Variants in EYS observed in about 807,000 individuals in gnomAD.
EYS encodes EGF-like photoreceptor maintenance factor, also known as protein eyes shut homolog.
In EYS, 250 loss-of-function variants were observed where a neutral mutation model predicts 282.1. That is an observed-to-expected ratio of 0.89 (90% CI 0.80 to 0.98). The LOEUF (loss-of-function observed/expected upper bound fraction) is 0.98, where lower values mean the gene tolerates loss of function less well. EYS is among the 50% of genes least tolerant of loss of function. EYS has a pLI of 0.00. For missense variants in EYS, 4,016 were observed against 3,709.0 expected, an observed-to-expected ratio of 1.08 and a Z score of -2.15; for synonymous variants, 1,355 against 1,282.9, an observed-to-expected ratio of 1.06 and a Z score of -1.20.
chr6:65,119,369 C>A (rs1041521), intron 12 of EYS, among the ~76,000 whole-genome samples: 39,605 of 152,032 alleles, frequency 0.26, 6,314 homozygotes, highest in African/African-American at 0.44. Context: ...GGAGCTACCA[C>A]GTCTAAACCT....
intron 35 of EYS, among the ~76,000 whole-genome samples, chr6:63,875,006 A>G (rs571012635): frequency 1.6e-3 from 242 of 152,262 alleles, no homozygotes; most frequent in African/African-American, 5.5e-3. Context: ...TTCCAACACT[A>G]TGTTGAATAG....
intron 5 of EYS, among the ~76,000 whole-genome samples, chr6:65,461,845 T>C (rs1171494513): frequency 1.3e-5 from 2 of 152,148 alleles, no homozygotes; most frequent in Admixed American, 6.6e-5. Flanking sequence ...TGATAGGAAG[T>C]AGTATTACAG....
At chr6:65,305,443 GTATGTCTTTTT>G (rs1768978923) in intron 11 of EYS, among the ~76,000 whole-genome samples, 2 of 152,186 alleles carry the variant, frequency 1.3e-5, no homozygotes, top group South Asian at 4.1e-4. Flanking sequence ...GTGTTAGATT[GTATGTCTTTTT>G]AAAGGTATTT....
intron 12 of EYS, among the ~76,000 whole-genome samples, chr6:65,142,161 A>G (rs1437445803): frequency 6.6e-6 from 1 of 152,062 alleles, no homozygotes; most frequent in Non-Finnish European, 1.5e-5. Flanking sequence ...TTTATAGTAT[A>G]TACGTATTTT....
intron 22 of EYS, among the ~76,000 whole-genome samples, chr6:64,723,491 G>A (rs1286071321): frequency 6.6e-6 from 1 of 152,110 alleles, no homozygotes; most frequent in Non-Finnish European, 1.5e-5. Flanking sequence ...CTGTAGTGAT[G>A]CATAAATCAC....
chr6:63,847,911 T>C (rs1179801749), intron 36 of EYS, among the ~76,000 whole-genome samples: 1 of 152,210 alleles, frequency 6.6e-6, no homozygotes, highest in Admixed American at 6.5e-5. Flanking sequence ...AAAGCCATCA[T>C]TTGGTAAAAG....
intron 12 of EYS, among the ~76,000 whole-genome samples, chr6:65,254,968 A>G (rs1381046419): frequency 1.3e-5 from 2 of 151,894 alleles, no homozygotes; most frequent in African/African-American, 4.8e-5. Context: ...AAGCAAAATA[A>G]CTGCCATTGA....
chr6:65,685,718 T>C (rs1366538045), intron 1 of EYS, among the ~76,000 whole-genome samples: 2 of 152,134 alleles, frequency 1.3e-5, no homozygotes, highest in East Asian at 3.9e-4. Context: ...TCCATGCATA[T>C]GTGAGAGAAG....
At chr6:64,333,326 T>A (rs1172429029) in intron 29 of EYS, among the ~76,000 whole-genome samples, 1 of 152,164 alleles carries the variant, frequency 6.6e-6, no homozygotes, top group African/African-American at 2.4e-5. Context: ...CTCCATATAT[T>A]TTGATTGCTG....
chr6:64,894,472 G>A (rs771131572), intron 18 of EYS, among the ~76,000 whole-genome samples: 5 of 152,078 alleles, frequency 3.3e-5, no homozygotes, highest in African/African-American at 1.2e-4. Flanking sequence ...GTCTACTTAC[G>A]GTGCTGCCTC....
chr6:64,941,791 T>C lies in EYS; in HGVS notation c.2381+4002A>G, dbSNP rs890735326. Among the ~76,000 whole-genome samples, 12 of 152,252 alleles carry C rather than the reference T, an allele frequency of 7.9e-5. No homozygotes were observed. In the South Asian group the frequency reaches 2.5e-3, roughly 32 times the overall value. On this transcript the variant is annotated intron_variant, in intron 15 of 42. Transcript: ENST00000503581. The stretch of plus-strand genomic sequence containing the variant: ...CATGTTGCTGCAAAGAACATGACTT[T>C]GTTCTTCTTCATGGCTGCATAGTAG...
chr6:65,465,626 C>T (rs866045911), intron 5 of EYS, among the ~76,000 whole-genome samples: 6 of 152,004 alleles, frequency 3.9e-5, no homozygotes, highest in East Asian at 1.9e-4. Context: ...GCACAATTAG[C>T]GTTGAGATAA....
chr6:65,467,619 T>C (rs571311660), intron 5 of EYS, among the ~76,000 whole-genome samples: 2 of 152,236 alleles, frequency 1.3e-5, no homozygotes, highest in South Asian at 4.1e-4. Flanking sequence ...TGTCACTTTA[T>C]GAGATTTCAT....
At chr6:64,834,236 T>C (rs894662870) in intron 19 of EYS, among the ~76,000 whole-genome samples, 1 of 151,806 alleles carries the variant, frequency 6.6e-6, no homozygotes, top group African/African-American at 2.4e-5. Flanking sequence ...TTGGAGGTAT[T>C]CTTTAATTTA....
intron 16 of EYS, among the ~76,000 whole-genome samples, chr6:64,911,673 T>G (rs1256147292): frequency 6.6e-6 from 1 of 152,162 alleles, no homozygotes; most frequent in Non-Finnish European, 1.5e-5. Context: ...AAACACAATG[T>G]GTTTTTTATA....
At chr6:65,435,793 G>A (rs1020946567) in intron 5 of EYS, among the ~76,000 whole-genome samples, 1 of 151,970 alleles carries the variant, frequency 6.6e-6, no homozygotes, top group African/African-American at 2.4e-5. Context: ...TAAGGTAAAT[G>A]AGGACATGTG....
chr6:65,287,793 AT>A (rs1169952479), intron 12 of EYS, among the ~76,000 whole-genome samples: 2 of 151,290 alleles, frequency 1.3e-5, no homozygotes, highest in Non-Finnish European at 3.0e-5. Flanking sequence ...AGATGTTTAA[AT>A]ATTTAAATTC....
intron 2 of EYS, among the ~76,000 whole-genome samples, chr6:65,560,582 C>A (rs887358377): frequency 6.6e-6 from 1 of 151,416 alleles, no homozygotes; most frequent in Non-Finnish European, 1.5e-5. Context: ...TATTGTTCAA[C>A]ATGCACTGAA....
At chr6:64,346,323 C>T (rs1228916283) in intron 29 of EYS, among the ~76,000 whole-genome samples, 1 of 151,990 alleles carries the variant, frequency 6.6e-6, no homozygotes, top group Non-Finnish European at 1.5e-5. Context: ...CAATGATAGA[C>T]TGGATTAAGA....
Sources: allele counts gnomAD v4.1 joint callset (sites outside exome capture counted in the v4.1 genomes callset), GRCh38; gene constraint gnomAD v4.1.1; transcripts MANE v1.5; gene names NCBI Gene and HGNC (gene_info 2026-07-23, HGNC 2026-07-21).